The following CYP39A1 variants were observed in gnomAD, a reference collection of about 807,000 sequenced individuals.
The protein encoded by CYP39A1 is cytochrome P450 family 39 subfamily A member 1, also known as 24-hydroxycholesterol 7-alpha-hydroxylase.
Under a neutral mutation model 58.1 loss-of-function variants are expected in CYP39A1, and 49 were observed. The observed-to-expected ratio is 0.84, with a 90% CI of 0.67 to 1.07. The LOEUF (loss-of-function observed/expected upper bound fraction) is 1.07. CYP39A1 is among the 50% of genes least tolerant of loss of function. CYP39A1 has a pLI of 0.00. For missense variants in CYP39A1, 531 were observed against 539.4 expected (o/e 0.98, Z 0.16); for synonymous variants, 209 against 187.6 (o/e 1.11, Z -0.93).
At chr6:46,640,762 C>A (rs908495104) in intron 2 of CYP39A1, among the ~76,000 whole-genome samples, 4 of 149,196 alleles carry the variant, frequency 2.7e-5, no homozygotes, top group Non-Finnish European at 4.5e-5. Flanking sequence ...CAACCTTTGC[C>A]CCCTGCCGCC....
At position 46,636,411 on chromosome 6, in the gene CYP39A1, T is replaced by A; in HGVS notation, c.710A>T (p.Lys237Ile). 6.2e-7 allele frequency: 1 copy of A among 1,607,406 alleles called. No homozygotes were observed. Residue 237 changes from lysine (K) to isoleucine (I), a missense_variant, in exon 5 of 12, where the codon AAA becomes ATA. Coordinates refer to ENST00000275016, the MANE Select transcript of CYP39A1 (RefSeq NM_016593.5). ...TACCATGGAATTATCTTTTGCAGAT[T>A]TACATGCTTTTATATCTGGAATGTT... Reference protein sequence around the residue: ...EKNIPDIKACKSAKDNSMTLL... With the variant: ...EKNIPDIKACISAKDNSMTLL...
At position 46,553,707 on chromosome 6, in the gene CYP39A1, G is replaced by A. The variant is rs1038887425; in HGVS notation, c.1338+60C>T. 16 of 1,118,932 alleles carry A rather than the reference G, an allele frequency of 1.4e-5. No homozygotes were observed. The African/African-American group carries it at 2.2e-4, about 15-fold the overall frequency. 69.3% of individuals were successfully genotyped at this position (1,118,932 alleles called of 1,614,324 possible). A position where few individuals can be genotyped will look rare whatever the true frequency, so the allele number is the denominator to read the frequency against. On this transcript the variant is annotated intron_variant, in intron 11 of 11. Transcript: ENST00000275016. ...TCTAGTAATCAAAATTGGGGGAAGT[G>A]GGGGTGGTTATGTCATATTTATAAG...
chr6:46,643,869 A>G (rs926145470), intron 1 of CYP39A1, among the ~76,000 whole-genome samples: 3 of 152,160 alleles, frequency 2.0e-5, no homozygotes, highest in Admixed American at 1.3e-4. Context: ...GCAGGCACAC[A>G]CGGTATGTTG....
intron 6 of CYP39A1, among the ~76,000 whole-genome samples, chr6:46,627,751 A>G (rs1390340408): frequency 2.0e-5 from 3 of 152,060 alleles, no homozygotes; most frequent in African/African-American, 7.2e-5. Context: ...ACAGTTTTTA[A>G]AATTTTTTCT....
In CYP39A1 at chr6:46,588,217, T is replaced by C. The variant is rs1772595421; in HGVS notation, c.1066-88A>G. 1.1e-5 allele frequency: 7 copies of C among 650,168 alleles called. No individual in the cohort carries two copies. In the South Asian group the frequency reaches 1.8e-4, roughly 16 times the overall value. 40.3% of individuals were successfully genotyped at this position (650,168 alleles called of 1,614,324 possible). ...CACTAAAAATGATGCTACAATTATA[T>C]TGTGGTGAAGATATACCTTTTATAA... On this transcript the variant is annotated intron_variant, in intron 8 of 11. Transcript: ENST00000275016.
intron 7 of CYP39A1, among the ~76,000 whole-genome samples, chr6:46,604,201 C>T (rs965663915): frequency 1.3e-5 from 2 of 152,172 alleles, no homozygotes; most frequent in Non-Finnish European, 2.9e-5. Flanking sequence ...GAAATCAATT[C>T]CCTGATACTC....
At chr6:46,557,184 A>G (rs901803538) in intron 10 of CYP39A1, among the ~76,000 whole-genome samples, 1 of 152,062 alleles carries the variant, frequency 6.6e-6, no homozygotes, top group African/African-American at 2.4e-5. Flanking sequence ...ATAAAAATAA[A>G]TAGGTTATTA....
At chr6:46,634,590 C>T (rs961192490) in intron 5 of CYP39A1, among the ~76,000 whole-genome samples, 8 of 146,374 alleles carry the variant, frequency 5.5e-5, no homozygotes, top group Middle Eastern at 3.8e-3. Context: ...GGCGCAATCT[C>T]GGCGCACCAT....
intron 10 of CYP39A1, among the ~76,000 whole-genome samples, chr6:46,579,694 G>GTA (rs1442169901): frequency 6.6e-6 from 1 of 152,044 alleles, no homozygotes; most frequent in Admixed American, 6.6e-5. Flanking sequence ...AAAATCAGTG[G>GTA]TATTTCTATA....
intron 10 of CYP39A1, among the ~76,000 whole-genome samples, chr6:46,566,630 G>C (rs998757166): frequency 6.6e-6 from 1 of 152,032 alleles, no homozygotes; most frequent in African/African-American, 2.4e-5. Context: ...AATGAGATTT[G>C]GGTGGGGACA....
chr6:46,640,515 C>T (rs973511155), intron 2 of CYP39A1, among the ~76,000 whole-genome samples: 2 of 152,188 alleles, frequency 1.3e-5, no homozygotes, highest in African/African-American at 4.8e-5. Context: ...CTATAACACA[C>T]ATTCCTAATT....
intron 7 of CYP39A1, among the ~76,000 whole-genome samples, chr6:46,622,349 T>C (rs902155949): frequency 6.6e-6 from 1 of 151,924 alleles, no homozygotes; most frequent in African/African-American, 2.4e-5. Flanking sequence ...ATTATATATA[T>C]ATAATTTTAT....
At chr6:46,589,969 G>T (rs1772731143) in intron 8 of CYP39A1, among the ~76,000 whole-genome samples, 2 of 152,128 alleles carry the variant, frequency 1.3e-5, no homozygotes, top group African/African-American at 4.8e-5. Context: ...CTCAGTAACA[G>T]AATTACCACT....
intron 7 of CYP39A1, among the ~76,000 whole-genome samples, chr6:46,610,407 T>C (rs1774140815): frequency 6.6e-6 from 1 of 152,098 alleles, no homozygotes; most frequent in African/African-American, 2.4e-5. Flanking sequence ...AGTGGCACTA[T>C]CATAAATCAC....
intron 10 of CYP39A1, chr6:46,586,593 A>G (rs918591630): frequency 1.0e-6 from 1 of 984,892 alleles, no homozygotes; most frequent in Non-Finnish European, 1.2e-6. Context: ...TGCCAGATTA[A>G]TTTAACTATA....
At chr6:46,561,121 T>C (rs1770947458) in intron 10 of CYP39A1, among the ~76,000 whole-genome samples, 1 of 152,208 alleles carries the variant, frequency 6.6e-6, no homozygotes, top group Non-Finnish European at 1.5e-5. Context: ...GGTAGAATAT[T>C]AGGAAGTAGT....
intron 1 of CYP39A1, among the ~76,000 whole-genome samples, chr6:46,648,485 G>C (rs1373827861): frequency 1.6e-5 from 2 of 126,368 alleles, no homozygotes; most frequent in Non-Finnish European, 3.2e-5. Flanking sequence ...ACACAGGAAG[G>C]GGAACATCAC....
At chr6:46,597,813 G>A (rs755395417) in intron 7 of CYP39A1, among the ~76,000 whole-genome samples, 2 of 152,138 alleles carry the variant, frequency 1.3e-5, no homozygotes. Context: ...GGCTGAGGGA[G>A]TGTTAACACC....
At chr6:46,635,377 C>A (rs571647152) in intron 5 of CYP39A1, among the ~76,000 whole-genome samples, 1 of 152,282 alleles carries the variant, frequency 6.6e-6, no homozygotes, top group Non-Finnish European at 1.5e-5. Context: ...TGAGCCTAGA[C>A]AGTCCAGACC....
Sources: allele counts gnomAD v4.1 joint callset (sites outside exome capture counted in the v4.1 genomes callset), GRCh38; gene constraint gnomAD v4.1.1; transcripts MANE v1.5; gene names NCBI Gene and HGNC (gene_info 2026-07-23, HGNC 2026-07-21).